SNX29: variants seen among roughly 807,000 people sequenced by gnomAD.
SNX29 encodes the protein sorting nexin-29.
Under a neutral mutation model 102.1 loss-of-function variants are expected in SNX29, and 78 were observed. The observed-to-expected ratio is 0.76, with a 90% CI of 0.64 to 0.92. The LOEUF is 0.92. SNX29 is among the 40% of genes least tolerant of loss of function. The pLI is 0.00. For synonymous variants in SNX29, 580 were observed against 414.5 expected, an observed-to-expected ratio of 1.40 and a Z score of -4.85; for missense variants, 1,280 against 1,061.7, an observed-to-expected ratio of 1.21 and a Z score of -2.86.
At chr16:12,559,557 A>T (rs564358938) in intron 20 of SNX29, among the ~76,000 whole-genome samples, 1 of 151,748 alleles carries the variant, frequency 6.6e-6, no homozygotes, top group Non-Finnish European at 1.5e-5. Flanking sequence ...TCTGTGGAAA[A>T]TTTTTCTTAT....
chr16:12,252,840 A>G lies in SNX29; in HGVS notation c.1679-25093A>G, dbSNP rs115343216. 2.9e-3 allele frequency among the ~76,000 whole-genome samples: 444 copies of G among 152,354 alleles called. 3 individuals carry two copies. Among genetic ancestry groups the G allele is most frequent in the African/African-American group, 9.9e-3 (413 of 41,584 alleles). ...TGTGTCTCCAAGCAGCACGGTGCCC[A>G]CAGTGAGGGAGCAGCTGGCTCTTCC... On this transcript the variant is annotated intron_variant, in intron 14 of 20. Transcript: ENST00000566228.
chr16:12,259,194 A>G (rs533072288), intron 14 of SNX29, among the ~76,000 whole-genome samples: 33 of 152,270 alleles, frequency 2.2e-4, no homozygotes, highest in Admixed American at 7.8e-4. Flanking sequence ...TTTGTCATTT[A>G]TTATATCGTT....
At chr16:12,556,076 T>C (rs1014818249) in intron 20 of SNX29, among the ~76,000 whole-genome samples, 15 of 152,228 alleles carry the variant, frequency 9.9e-5, no homozygotes, top group Admixed American at 6.5e-4. Context: ...ATTAATCTTA[T>C]AGAATTAATT....
chr16:12,307,035 AGGGAGG>A (rs985380310), intron 15 of SNX29, among the ~76,000 whole-genome samples: 2 of 151,968 alleles, frequency 1.3e-5, no homozygotes, highest in Non-Finnish European at 2.9e-5. Context: ...GGGCCTTACA[AGGGAGG>A]GGAGTTCCCT....
At chr16:12,454,262 G>A (rs536575295) in intron 18 of SNX29, among the ~76,000 whole-genome samples, 19 of 152,286 alleles carry the variant, frequency 1.2e-4, no homozygotes, top group African/African-American at 2.9e-4. Flanking sequence ...AGCTAAGATC[G>A]CAGAGCAGAA....
At chr16:12,443,446 C>G (rs2085900788) in intron 18 of SNX29, 1 of 153,804 alleles carries the variant, frequency 6.5e-6, no homozygotes, top group Non-Finnish European at 1.4e-5. Flanking sequence ...CTAAATCTTT[C>G]TAAGAGGAGC....
intron 14 of SNX29, among the ~76,000 whole-genome samples, chr16:12,265,576 G>A (rs537643877): frequency 7.2e-5 from 11 of 151,906 alleles, no homozygotes; most frequent in Admixed American, 2.6e-4. Flanking sequence ...AAATTCTCAC[G>A]TCGGCCAGGC....
intron 15 of SNX29, among the ~76,000 whole-genome samples, chr16:12,298,723 C>A (rs112091131): frequency 6.6e-6 from 1 of 152,098 alleles, no homozygotes; most frequent in Non-Finnish European, 1.5e-5. Context: ...CTGGGAGGAC[C>A]CTTGCTGTCT....
intron 14 of SNX29, among the ~76,000 whole-genome samples, chr16:12,252,782 C>T (rs2078459447): frequency 6.6e-6 from 1 of 152,176 alleles, no homozygotes; most frequent in African/African-American, 2.4e-5. Flanking sequence ...CTCTGGGCAC[C>T]CAGCCATGGG....
intron 15 of SNX29, among the ~76,000 whole-genome samples, chr16:12,314,190 G>C (rs1018619078): frequency 6.6e-6 from 1 of 152,084 alleles, no homozygotes; most frequent in Non-Finnish European, 1.5e-5. Flanking sequence ...GTACAGCTGG[G>C]GTCTTTCTGT....
rs553505286 is a variant in SNX29 at position 11,990,479 on chromosome 16, C to T, written c.8-8818C>T. ...GTCCCTCCTGGTCTTGTATGTGCCC[C>T]GGGCATATATTGGGCAGCCCTTTCT... is the stretch of plus-strand genomic sequence containing the variant. On this transcript the variant is annotated intron_variant, in intron 1 of 20. Coordinates refer to ENST00000566228, the MANE Select transcript of SNX29 (RefSeq NM_032167.5). Among the ~76,000 whole-genome samples, 209 of 152,250 alleles carry T rather than the reference C, an allele frequency of 1.4e-3. 1 individual carries two copies. Among genetic ancestry groups the T allele is most frequent in the South Asian group, 6.2e-4 (3 of 4,828 alleles).
At chr16:12,309,028 A>G (rs2080442919) in intron 15 of SNX29, among the ~76,000 whole-genome samples, 1 of 152,206 alleles carries the variant, frequency 6.6e-6, no homozygotes, top group African/African-American at 2.4e-5. Context: ...TGAGAGAGGC[A>G]ATGGAAAGGT....
At chr16:12,187,924 A>T (rs967854410) in intron 13 of SNX29, among the ~76,000 whole-genome samples, 6 of 152,022 alleles carry the variant, frequency 3.9e-5, no homozygotes, top group Admixed American at 3.3e-4. Flanking sequence ...TCGGATAATC[A>T]TTTTCTGAAG....
intron 19 of SNX29, among the ~76,000 whole-genome samples, chr16:12,517,908 A>C (rs1456963562): frequency 1.3e-5 from 2 of 152,146 alleles, no homozygotes; most frequent in African/African-American, 4.8e-5. Flanking sequence ...GACATCCCAG[A>C]TGAAGACAGG....
chr16:12,045,158 G>T (rs1417904381), intron 5 of SNX29, among the ~76,000 whole-genome samples: 2 of 152,198 alleles, frequency 1.3e-5, no homozygotes, highest in Non-Finnish European at 2.9e-5. Flanking sequence ...GCTTGAGCAT[G>T]TGGTTTGTAC....
At chr16:12,461,969 AAAAAAAAAAATATATAT>A (rs1421655307) in intron 18 of SNX29, among the ~76,000 whole-genome samples, 3 of 75,234 alleles carry the variant, frequency 4.0e-5, no homozygotes, top group African/African-American at 2.1e-4. Flanking sequence ...AAAAAAAAAA[AAAAAAAAAAATATATAT>A]ATATATATAT....
chr16:12,124,785 C>G (rs1431407653), intron 11 of SNX29, among the ~76,000 whole-genome samples: 2 of 152,100 alleles, frequency 1.3e-5, no homozygotes, highest in Non-Finnish European at 2.9e-5. Flanking sequence ...ATTGACATTC[C>G]CCTGTGCTCT....
intron 9 of SNX29, among the ~76,000 whole-genome samples, chr16:12,064,163 G>A (rs1256477365): frequency 2.0e-5 from 3 of 149,380 alleles, no homozygotes; most frequent in African/African-American, 7.7e-5. Context: ...GATTGTTTTG[G>A]CAGCTCCTTT....
In SNX29 at chr16:12,069,086, A is replaced by G. The variant is rs2051173290; in HGVS notation, c.1273A>G (p.Thr425Ala). 1 of 1,613,854 alleles carries G rather than the reference A, an allele frequency of 6.2e-7. No individual in the cohort carries two copies. Among genetic ancestry groups the G allele is most frequent in the Non-Finnish European group, 8.5e-7 (1 of 1,179,828 alleles). The change falls in exon 10 of 21, where the codon ACA (threonine) becomes GCA (alanine). Residue 425 changes from threonine (T) to alanine (A), a missense_variant. Thr to Ala is a moderately conservative substitution (Grantham distance 58). Transcript: ENST00000566228. ...CCCCCTCGGAAGCCTGGAGAACGGGACAGGACCAGAGGACCACGTTCTCCC... is the reference window on the plus strand; with the variant it reads ...CCCCCTCGGAAGCCTGGAGAACGGGGCAGGACCAGAGGACCACGTTCTCCC... ...DAPLGSLENG[T>A]GPEDHVLPDP... is the part of the protein sequence containing the mutation.
Sources: allele counts gnomAD v4.1 joint callset (sites outside exome capture counted in the v4.1 genomes callset), GRCh38; gene constraint gnomAD v4.1.1; transcripts MANE v1.5; gene names NCBI Gene and HGNC (gene_info 2026-07-23, HGNC 2026-07-21).